The following CPED1 variants were observed in gnomAD, a reference collection of about 807,000 sequenced individuals.
CPED1 encodes cadherin-like and PC-esterase domain-containing protein 1.
Under a neutral mutation model 128.2 loss-of-function variants are expected in CPED1, and 114 were observed. The ratio of observed to expected loss-of-function variants is 0.89; its 90% CI spans 0.76 to 1.04. The LOEUF (loss-of-function observed/expected upper bound fraction) is 1.04, where lower values mean the gene tolerates loss of function less well. CPED1 is among the 50% of genes least tolerant of loss of function. The pLI, the probability that CPED1 is intolerant of heterozygous loss-of-function variation, is 0.00. For synonymous variants in CPED1, 462 were observed against 426.7 expected, an observed-to-expected ratio of 1.08 and a Z score of -1.02; for missense variants, 1,211 against 1,207.1, an observed-to-expected ratio of 1.00 and a Z score of -0.05.
At chr7:121,184,696 A>C (rs747392691) in intron 16 of CPED1, among the ~76,000 whole-genome samples, 1 of 152,206 alleles carries the variant, frequency 6.6e-6, no homozygotes, top group Non-Finnish European at 1.5e-5. Flanking sequence ...TAAGAACTGG[A>C]GGTGAGTGAA....
At chr7:121,100,210 A>G (rs1794815774) in intron 7 of CPED1, 116 bp downstream of exon 7, 1 of 871,990 alleles carries the variant, frequency 1.1e-6, no homozygotes, top group Non-Finnish European at 1.7e-6. Flanking sequence ...CAAGGATCAC[A>G]TCTTTTTTAT....
chr7:121,108,596 G>GT (rs1242449130), intron 7 of CPED1, among the ~76,000 whole-genome samples: 5 of 151,600 alleles, frequency 3.3e-5, no homozygotes, highest in African/African-American at 9.7e-5. Context: ...ATTTTGTAAT[G>GT]TTTTTTTCAT....
chr7:121,208,936 G>A (rs1043248053), intron 16 of CPED1, among the ~76,000 whole-genome samples: 10 of 151,992 alleles, frequency 6.6e-5, no homozygotes, highest in African/African-American at 2.2e-4. Flanking sequence ...ACAAAGAAAT[G>A]GGTGTATTCA....
intron 2 of CPED1, among the ~76,000 whole-genome samples, chr7:121,002,857 G>C (rs534593126): frequency 6.6e-6 from 1 of 152,220 alleles, no homozygotes; most frequent in Non-Finnish European, 1.5e-5. Context: ...GATATAAATA[G>C]GAGTATGTCT....
chr7:121,050,888 C>T (rs760264256), intron 4 of CPED1: 21 of 479,238 alleles, frequency 4.4e-5, no homozygotes, highest in South Asian at 7.7e-5. Context: ...GCACCTGGCA[C>T]GCACCCTCCT....
Position 121,296,751 on chromosome 7 carries a change from T to C in CPED1, c.*1099T>C, listed in dbSNP as rs1440536895. On this transcript the variant is annotated 3_prime_UTR_variant, in exon 23 of 23. Transcript: ENST00000310396. ...TAGTGAGAACTATTTCTTTTATCTCTTTAGGTTCAAAATGGTGAATTTCTT... is the reference window on the plus strand; with the variant it reads ...TAGTGAGAACTATTTCTTTTATCTCCTTAGGTTCAAAATGGTGAATTTCTT... 1 of 152,276 alleles carries C rather than the reference T, an allele frequency of 6.6e-6. No individual in the cohort carries two copies. Among genetic ancestry groups the C allele is most frequent in the Non-Finnish European group, 1.5e-5 (1 of 67,962 alleles). The allele number at this position is 152,276 out of a possible 1,614,324, so 9.4% of individuals were successfully genotyped here. A position where few individuals can be genotyped will look rare whatever the true frequency, so the allele number is the denominator to read the frequency against.
In CPED1 at chr7:121,117,653, G is replaced by A. The variant is rs1795286141; in HGVS notation, c.919-6678G>A. Among the ~76,000 whole-genome samples, 4 of 152,006 alleles carry A rather than the reference G, an allele frequency of 2.6e-5. No homozygotes were observed. In the South Asian group the frequency reaches 8.3e-4, roughly 32 times the overall value. On this transcript the variant is annotated intron_variant, in intron 7 of 22. Transcript: ENST00000310396. ...AGGCAGGCAGCCATATCCAGAGCTG[G>A]GTGTCATATGCCTTTGGGGATCCCT...
chr7:121,039,655 G>A (rs1163477253), intron 3 of CPED1, among the ~76,000 whole-genome samples: 2 of 151,884 alleles, frequency 1.3e-5, no homozygotes, highest in Non-Finnish European at 2.9e-5. Context: ...ATGTAAGCAC[G>A]CATACCCACA....
intron 5 of CPED1, among the ~76,000 whole-genome samples, chr7:121,081,223 G>C (rs1794285856): frequency 6.6e-6 from 1 of 152,140 alleles, no homozygotes; most frequent in South Asian, 2.1e-4. Context: ...CTCAAAATGA[G>C]AGTTGCAGCA....
intron 16 of CPED1, among the ~76,000 whole-genome samples, chr7:121,183,149 C>T (rs1176001810): frequency 6.6e-6 from 1 of 152,120 alleles, no homozygotes; most frequent in Non-Finnish European, 1.5e-5. Context: ...TATCTAAACT[C>T]TTTGAGCCTA....
chr7:121,125,271 A>T (rs1207588645), intron 8 of CPED1, among the ~76,000 whole-genome samples: 1 of 152,156 alleles, frequency 6.6e-6, no homozygotes, highest in Non-Finnish European at 1.5e-5. Flanking sequence ...AAATAAGAGT[A>T]AATGTAGCAA....
At chr7:121,252,943 C>A (rs996450086) in intron 18 of CPED1, among the ~76,000 whole-genome samples, 2 of 152,024 alleles carry the variant, frequency 1.3e-5, no homozygotes, top group African/African-American at 4.8e-5. Context: ...AGCATTTGAC[C>A]CAGCCATCCC....
chr7:121,057,221 A>G (rs1024594517), intron 4 of CPED1, among the ~76,000 whole-genome samples: 4 of 152,018 alleles, frequency 2.6e-5, no homozygotes, highest in Non-Finnish European at 5.9e-5. Context: ...CTCTTGATCC[A>G]CCTGCCTCAG....
rs558760510 is a variant in CPED1, at chr7:121,130,444, A to C, written c.1577+150A>C. 154 of 612,786 alleles carry C rather than the reference A, an allele frequency of 2.5e-4. No homozygotes were observed. The East Asian group carries it at 4.4e-3, about 18-fold the overall frequency. The allele number at this position is 612,786 out of a possible 1,614,324, so 38.0% of individuals were successfully genotyped here. On this transcript the variant is annotated intron_variant, in intron 12 of 22. Coordinates refer to ENST00000310396, the MANE Select transcript of CPED1 (RefSeq NM_024913.5). ...CTCAGGAAAATAAATGTCTTTAAAC[A>C]TTGAAACCATAATGATTCTAGTGGT... is the stretch of plus-strand genomic sequence containing the variant.
At chr7:121,143,596 A>G (rs1795952636) in intron 16 of CPED1, among the ~76,000 whole-genome samples, 1 of 152,068 alleles carries the variant, frequency 6.6e-6, no homozygotes, top group African/African-American at 2.4e-5. Flanking sequence ...TGTTTAAAAA[A>G]ATAAACAAAA....
chr7:121,196,802 CT>C (rs1204685672), intron 16 of CPED1, among the ~76,000 whole-genome samples: 66 of 145,306 alleles, frequency 4.5e-4, no homozygotes, highest in Middle Eastern at 3.6e-3. Context: ...ACTAAAGTTT[CT>C]TTTTTTTTTT....
intron 22 of CPED1, among the ~76,000 whole-genome samples, chr7:121,286,566 T>C (rs1449698362): frequency 6.6e-6 from 1 of 152,146 alleles, no homozygotes. Context: ...TTCTGAAGGG[T>C]TATAAGATGA....
chr7:121,253,670 GT>G (rs1798740088), intron 18 of CPED1, among the ~76,000 whole-genome samples: 1 of 151,966 alleles, frequency 6.6e-6, no homozygotes, highest in South Asian at 2.1e-4. Context: ...ACCATTTTCT[GT>G]CTTCAAGAGA....
At chr7:121,220,839 T>C (rs1797858993) in intron 16 of CPED1, among the ~76,000 whole-genome samples, 1 of 152,012 alleles carries the variant, frequency 6.6e-6, no homozygotes, top group Non-Finnish European at 1.5e-5. Flanking sequence ...ACTTACGTGT[T>C]CACAATCAAG....
Sources: gnomAD v4.1 joint callset for allele counts (sites outside exome capture counted in the v4.1 genomes callset) on GRCh38, gnomAD v4.1.1 for gene constraint, MANE v1.5 for transcripts, NCBI Gene and HGNC (gene_info 2026-07-23, HGNC 2026-07-21) for gene names.